The following OLR1 variants were observed in gnomAD, a reference collection of about 807,000 sequenced individuals.
OLR1 encodes oxidized low density lipoprotein receptor 1.
A neutral mutation model predicts 31.7 loss-of-function variants in OLR1; 23 were observed. That is an observed-to-expected ratio of 0.72 (90% CI 0.52 to 1.03). The LOEUF is 1.03. Among genes scored for constraint, OLR1 ranks in the 50% least tolerant of loss-of-function variants. The pLI, the probability that OLR1 is intolerant of heterozygous loss-of-function variation, is 0.00. For missense variants in OLR1, 286 were observed against 315.7 expected, an observed-to-expected ratio of 0.91 and a Z score of 0.71; for synonymous variants, 117 against 115.8, an observed-to-expected ratio of 1.01 and a Z score of -0.07.
chr12:10,166,056 C>A (rs1474808276), intron 3 of OLR1, among the ~76,000 whole-genome samples: 2 of 151,390 alleles, frequency 1.3e-5, no homozygotes, highest in Non-Finnish European at 2.9e-5. Context: ...ACTAAAAGTA[C>A]AAAAATTAGT....
At chr12:10,171,881 G>T in intron 1 of OLR1, 121 bp downstream of exon 1, 1 of 660,688 alleles carries the variant, frequency 1.5e-6, no homozygotes, top group Non-Finnish European at 2.7e-6. Flanking sequence ...TAAGTAAATG[G>T]TATTAATTCT....
chr12:10,167,177 T>A (rs552090056), intron 2 of OLR1: 68 of 466,212 alleles, frequency 1.5e-4, no homozygotes, highest in Middle Eastern at 6.0e-4. Context: ...GTAATTTTTT[T>A]AAAAATTACC....
At chr12:10,176,119 T>C (rs1290727216), upstream of OLR1, among the ~76,000 whole-genome samples, 1 of 152,216 alleles carries the variant, frequency 6.6e-6, no homozygotes, top group Non-Finnish European at 1.5e-5. Flanking sequence ...CTATCCCAGC[T>C]ACCTGCCCTT....
At chr12:10,160,747 A>G (rs1389983412) in intron 4 of OLR1, 39 bp downstream of exon 4, 1 of 1,603,954 alleles carries the variant, frequency 6.2e-7, no homozygotes, top group South Asian at 1.1e-5. Context: ...TTCCCTATCA[A>G]CCAATACTCC....
intron 3 of OLR1, 138 bp from the exon 4 acceptor site, chr12:10,161,063 G>T (rs1948616266): frequency 2.2e-6 from 2 of 908,288 alleles, no homozygotes; most frequent in African/African-American, 3.4e-5. Flanking sequence ...TGTATTTTTA[G>T]TAGAGATGGG....
chr12:10,165,555 T>C (rs1267328927), intron 3 of OLR1, among the ~76,000 whole-genome samples: 1 of 151,802 alleles, frequency 6.6e-6, no homozygotes, highest in Non-Finnish European at 1.5e-5. Flanking sequence ...GAAAAAGAAA[T>C]ACAGTGATTA....
chr12:10,175,191 TG>T (rs1948757267), upstream of OLR1: 2 of 152,228 alleles, frequency 1.3e-5, no homozygotes, highest in African/African-American at 4.8e-5. Context: ...GGAATGTATG[TG>T]ATCATCTACG....
chr12:10,166,638 A>G, intron 3 of OLR1, 74 bp downstream of exon 3: 1 of 1,557,876 alleles, frequency 6.4e-7, no homozygotes, highest in East Asian at 2.2e-5. Flanking sequence ...TGAGCCCAGA[A>G]TTGTTTCCAA....
In OLR1 at chr12:10,166,889, C is replaced by T. The variant is rs1196455656; in HGVS notation, c.247G>A (p.Gly83Arg). The change falls in exon 3 of 6, where the codon GGA (glycine) becomes AGA (arginine). Residue 83 changes from glycine (G) to arginine (R), a missense_variant. By Grantham distance (125) the Gly-to-Arg change is moderately radical (BLOSUM62 -2). Transcript: ENST00000309539. Reference sequence around the variant, plus strand: ...GCTTGTTGCCGGGCTGAGATCTGTCCCTCCAGTTTCTTTTTCTGGTGAGTT... The same window carrying T: ...GCTTGTTGCCGGGCTGAGATCTGTCTCTCCAGTTTCTTTTTCTGGTGAGTT... Reference protein sequence around the residue: ...NLTHQKKKLEGQISARQQAEE... With the variant: ...NLTHQKKKLERQISARQQAEE... 2 of 1,613,444 alleles carry T rather than the reference C, an allele frequency of 1.2e-6. No individual in the cohort carries two copies. Among genetic ancestry groups the T allele is most frequent in the Admixed American group, 3.3e-5 (2 of 59,896 alleles).
At chr12:10,165,703 G>C (rs1210174833) in intron 3 of OLR1, among the ~76,000 whole-genome samples, 1 of 151,802 alleles carries the variant, frequency 6.6e-6, no homozygotes, top group Non-Finnish European at 1.5e-5. Flanking sequence ...GGAGGTTGCA[G>C]TGAGCTGAGA....
At chr12:10,161,407 A>G (rs1948618746) in intron 3 of OLR1, among the ~76,000 whole-genome samples, 1 of 152,242 alleles carries the variant, frequency 6.6e-6, no homozygotes. Context: ...TTTAATAGCC[A>G]TTCTGCTATT....
intron 3 of OLR1, among the ~76,000 whole-genome samples, chr12:10,162,949 A>C (rs1397599943): frequency 1.3e-5 from 1 of 77,262 alleles, no homozygotes; most frequent in Non-Finnish European, 2.6e-5. Context: ...AACTTACTGT[A>C]TTTCTTTGTG....
intron 2 of OLR1, 115 bp downstream of exon 2, chr12:10,168,959 A>G: frequency 1.7e-6 from 1 of 602,738 alleles, no homozygotes; most frequent in South Asian, 3.6e-5. Context: ...CCTAAAATGA[A>G]TCTATATCAA....
In OLR1 at chr12:10,160,925, G is replaced by T. The variant is rs765840296; in HGVS notation, c.425C>A (p.Ala142Asp). The T allele has an allele frequency of 1.9e-5, 31 of 1,613,928 alleles. No individual in the cohort carries two copies. The highest frequency in any genetic ancestry group is 2.6e-5 in the Non-Finnish European group (31 of 1,179,798). ...CCAGATCCAGTCTTGCGGACAAGGA[G>T]CTGGGAAGGATAGTATATCTCATCA... ...ETLKRVANCS[A>D]PCPQDWIWHG... is the part of the protein sequence containing the mutation. Residue 142 changes from alanine to aspartate, a missense_variant and splice_region_variant, in exon 4 of 6, where the codon GCT becomes GAT. By Grantham distance (126) the Ala-to-Asp change is moderately radical. Transcript: ENST00000309539.
rs1207844559 is a variant in OLR1 at position 10,158,824 on chromosome 12, T to C, written c.*1056A>G. 6.6e-6 allele frequency: 1 copy of C among 151,370 alleles called. No individual in the cohort carries two copies. The highest frequency in any genetic ancestry group is 1.5e-5 in the Non-Finnish European group (1 of 67,898). The allele number at this position is 151,370 out of a possible 1,614,324, so 9.4% of individuals were successfully genotyped here. A position where few individuals can be genotyped will look rare whatever the true frequency, so the allele number is the denominator to read the frequency against. ...AAAAAAAAAAAGATTCCTGCTAGAT[T>C]GTGTGCAGCAAAATAAAAAGGCTTC... On this transcript the variant is annotated 3_prime_UTR_variant, in exon 6 of 6. Coordinates refer to ENST00000309539, the MANE Select transcript of OLR1 (RefSeq NM_002543.4).
intron 2 of OLR1, among the ~76,000 whole-genome samples, chr12:10,168,191 CCTT>C (rs1948678133): frequency 6.6e-6 from 1 of 152,170 alleles, no homozygotes; most frequent in African/African-American, 2.4e-5. Flanking sequence ...CATTTTCTTT[CCTT>C]CTTGGCCACT....
At chr12:10,175,945 C>T (rs1295165043), upstream of OLR1, among the ~76,000 whole-genome samples, 1 of 152,176 alleles carries the variant, frequency 6.6e-6, no homozygotes, top group Non-Finnish European at 1.5e-5. Flanking sequence ...ACTTGTTACA[C>T]CAGTTGTATA....
upstream of OLR1, chr12:10,172,392 A>C (rs1220356600): frequency 1.9e-5 from 4 of 209,486 alleles, no homozygotes; most frequent in Non-Finnish European, 3.9e-5. Context: ...CACTCTTCAG[A>C]GACAGAAACT....
chr12:10,172,211 G>A (rs193237565), upstream of OLR1: 42 of 627,410 alleles, frequency 6.7e-5, no homozygotes, highest in African/African-American at 7.6e-4. Context: ...ATTGGTAGGA[G>A]GAAGGAGAGG....
Sources: allele counts gnomAD v4.1 joint callset (sites outside exome capture counted in the v4.1 genomes callset), GRCh38; gene constraint gnomAD v4.1.1; transcripts MANE v1.5; gene names NCBI Gene and HGNC (gene_info 2026-07-23, HGNC 2026-07-21).